Variants in KHDC4 observed in about 807,000 individuals in gnomAD.
KHDC4 encodes KH domain containing 4, pre-mRNA splicing factor, also known as KH homology domain-containing protein 4.
Under a neutral mutation model 74.5 loss-of-function variants are expected in KHDC4, and 19 were observed. The ratio of observed to expected loss-of-function variants is 0.26; its 90% CI spans 0.18 to 0.37. KHDC4 has a LOEUF of 0.37. KHDC4 is among the 10% of genes least tolerant of loss of function. KHDC4 has a pLI of 1.00. For synonymous variants in KHDC4, 253 were observed against 266.1 expected (o/e 0.95, Z 0.48); for missense variants, 632 against 754.1 (o/e 0.84, Z 1.90).
intron 10 of KHDC4, among the ~76,000 whole-genome samples, 192 bp from the exon 11 acceptor site, chr1:155,917,864 T>C (rs779266089): frequency 5.9e-5 from 9 of 152,208 alleles, no homozygotes; most frequent in African/African-American, 2.2e-4. Flanking sequence ...TAGGGAAACA[T>C]GAAATTGACA....
rs1673857512 is a variant in KHDC4 at position 155,921,299 on chromosome 1, G to C, written c.1266+76C>G. 2.7e-6 allele frequency: 4 copies of C among 1,502,058 alleles called. No individual in the cohort carries two copies. The East Asian group carries it at 9.1e-5, about 34-fold the overall frequency. The allele number at this position is 1,502,058 out of a possible 1,614,324, so 93.0% of individuals were successfully genotyped here. A position where few individuals can be genotyped will look rare whatever the true frequency, so the allele number is the denominator to read the frequency against. ...TTCCACATCACATGATTTATTTCTG[G>C]AATACCACTACTTCCCCTCTTTCCC... On this transcript the variant is annotated intron_variant, in intron 10 of 13. Coordinates refer to ENST00000368321, the MANE Select transcript of KHDC4 (RefSeq NM_014949.4).
intron 13 of KHDC4, chr1:155,915,658 C>T (rs1673715151): frequency 2.1e-6 from 1 of 478,068 alleles, no homozygotes; most frequent in Non-Finnish European, 3.7e-6. Flanking sequence ...CAGGCGCCCA[C>T]CACCATGCCC....
Position 155,934,319 on chromosome 1 carries a change from C to T in KHDC4, c.38+17G>A. 6.2e-7 allele frequency: 1 copy of T among 1,607,480 alleles called. No individual in the cohort carries two copies. Among genetic ancestry groups the T allele is most frequent in the Non-Finnish European group, 8.5e-7 (1 of 1,179,686 alleles). On this transcript the variant is annotated intron_variant, in intron 1 of 13. Coordinates refer to ENST00000368321, the MANE Select transcript of KHDC4 (RefSeq NM_014949.4). ...GCCCCAGTGCTCGCTCCGATGCCCT[C>T]GCCCCTGAAGCCGTACCCGCCAGCT...
Position 155,914,033 on chromosome 1 carries a change from A to C in KHDC4, c.*88T>G, listed in dbSNP as rs1572002398. The C allele has an allele frequency of 5.1e-6, 6 of 1,176,664 alleles. No homozygotes were observed. The highest frequency in any genetic ancestry group is 7.6e-6 in the Non-Finnish European group (6 of 790,234). 72.9% of individuals were successfully genotyped at this position (1,176,664 alleles called of 1,614,324 possible). On this transcript the variant is annotated 3_prime_UTR_variant, in exon 14 of 14. Transcript: ENST00000368321. Reference sequence around the variant, plus strand: ...TTCTGCAAAGGTCCAGATGGTTCCCAGCACAGGCCCCAGAGTCTTGTTAAA... The same window carrying C: ...TTCTGCAAAGGTCCAGATGGTTCCCCGCACAGGCCCCAGAGTCTTGTTAAA...
intron 4 of KHDC4, among the ~76,000 whole-genome samples, chr1:155,928,876 C>T (rs1572013502): frequency 6.7e-6 from 1 of 148,532 alleles, no homozygotes; most frequent in East Asian, 2.0e-4. Flanking sequence ...GGCATGAACC[C>T]AGGAGGCAGA....
intron 8 of KHDC4, among the ~76,000 whole-genome samples, chr1:155,923,233 T>C (rs181236356): frequency 2.0e-5 from 3 of 152,172 alleles, no homozygotes; most frequent in African/African-American, 7.2e-5. Flanking sequence ...TTTGGTTGTT[T>C]ATAGAATAAA....
intron 13 of KHDC4, chr1:155,915,652 C>T (rs1673714958): frequency 4.3e-6 from 2 of 459,978 alleles, no homozygotes; most frequent in Middle Eastern, 5.7e-4. Context: ...GAATTACAGG[C>T]GCCCACCACC....
At chr1:155,925,054 T>TCTCG (rs1459551782) in intron 7 of KHDC4, among the ~76,000 whole-genome samples, 2 of 138,034 alleles carry the variant, frequency 1.4e-5, no homozygotes, top group Non-Finnish European at 3.1e-5. Context: ...TGAGATGGAG[T>TCTCG]CTCGCTCTGT....
chr1:155,916,665 T>C lies in KHDC4; in HGVS notation c.1513A>G (p.Lys505Glu). ...TCTTTGCCTGAGGAACTTGCTGGCTTCGATCCTGCACCTTCAATCTCATTC... is the reference window on the plus strand; with the variant it reads ...TCTTTGCCTGAGGAACTTGCTGGCTCCGATCCTGCACCTTCAATCTCATTC... ...SQNEIEGAGS[K>E]PASSSGKERE... Residue 505 changes from lysine (K) to glutamate (E), a missense_variant, in exon 12 of 14, where the codon AAG becomes GAG. By Grantham distance (56) the Lys-to-Glu change is moderately conservative. This residue lies in a region of KHDC4 where 254 missense variants were observed against 267.4 expected (regional missense o/e 0.95). Transcript: ENST00000368321. 1 of 1,613,922 alleles carries C rather than the reference T, an allele frequency of 6.2e-7. No individual in the cohort carries two copies. The highest frequency in any genetic ancestry group is 8.5e-7 in the Non-Finnish European group (1 of 1,179,996).
chr1:155,929,833 G>A lies in KHDC4; in HGVS notation c.263C>T (p.Ala88Val). ...PTQNASEKLQ[A>V]PGKGLTSNKS... ...ATTGCTAGTTAGGCCTTTGCCAGGA[G>A]CCTGAAGCTAGAAAAAAGAGAAATT... The change falls in exon 3 of 14, where the codon GCT (alanine) becomes GTT (valine). Residue 88 changes from alanine (A) to valine (V), a missense_variant. Physicochemically the swap from Ala to Val is moderately conservative, Grantham distance 64. Transcript: ENST00000368321. 6.4e-7 allele frequency: 1 copy of A among 1,570,664 alleles called. No individual in the cohort carries two copies. The highest frequency in any genetic ancestry group is 1.2e-5 in the South Asian group (1 of 82,446).
Position 155,915,946 on chromosome 1 carries a change from T to TG in KHDC4, c.1571dup (p.Ala525SerfsTer13), listed in dbSNP as rs760105145. The TG allele has an allele frequency of 8.8e-6, 14 of 1,589,260 alleles. No homozygotes were observed. On this transcript the variant is annotated frameshift_variant, in exon 13 of 14. Coordinates refer to ENST00000368321, the MANE Select transcript of KHDC4 (RefSeq NM_014949.4). LOFTEE classifies it high-confidence loss of function. ...TTTTTATTCCAGTCACTGGAAAGGC[T>TG]GGTGGAGGCATCAACTGCCTATTGA... is the stretch of plus-strand genomic sequence containing the variant.
chr1:155,931,626 T>C (rs1002126153), intron 2 of KHDC4, among the ~76,000 whole-genome samples: 1 of 152,172 alleles, frequency 6.6e-6, no homozygotes, highest in African/African-American at 2.4e-5. Flanking sequence ...GGTTTCACCA[T>C]GTTGCCCAGG....
At chr1:155,925,197 TTTTTG>T in intron 7 of KHDC4, among the ~76,000 whole-genome samples, 1 of 152,028 alleles carries the variant, frequency 6.6e-6, no homozygotes, top group South Asian at 2.1e-4. Flanking sequence ...CGGCTAATTT[TTTTTG>T]TTTTATTTTT....
At position 155,929,281 on chromosome 1, in the gene KHDC4, TA is replaced by T; in HGVS notation, c.464+14del. The T allele has an allele frequency of 6.3e-7, 1 of 1,594,362 alleles. No individual in the cohort carries two copies. The highest frequency in any genetic ancestry group is 8.6e-7 in the Non-Finnish European group (1 of 1,162,244). ...ACACCCAACCCTTCCATAAACAAGA[TA>T]AGAGAATACGCACCCTGGTCCCACT... is the stretch of plus-strand genomic sequence containing the variant. On this transcript the variant is annotated intron_variant, in intron 4 of 13. Coordinates refer to ENST00000368321, the MANE Select transcript of KHDC4 (RefSeq NM_014949.4).
In KHDC4 at chr1:155,933,720, C is replaced by G; in HGVS notation, c.168G>C (p.Leu56Phe). ...TGGCAGCCACAGCAGCAGCAGCATC[C>G]AAGGCTCCTGAAGGAGCAGCTGTGG... is the stretch of plus-strand genomic sequence containing the variant. ...GGTTAAPSGA[L>F]DAAAAVAAKI... Residue 56 changes from leucine (L) to phenylalanine (F), a missense_variant, in exon 2 of 14, where the codon TTG becomes TTC. Leu to Phe is a conservative substitution (Grantham distance 22, BLOSUM62 0). Coordinates refer to ENST00000368321, the MANE Select transcript of KHDC4 (RefSeq NM_014949.4). The G allele has an allele frequency of 6.2e-7, 1 of 1,612,192 alleles. No individual in the cohort carries two copies. The highest frequency in any genetic ancestry group is 8.5e-7 in the Non-Finnish European group (1 of 1,178,772).
At chr1:155,926,567 T>C in intron 6 of KHDC4, 109 bp downstream of exon 6, 1 of 1,241,786 alleles carries the variant, frequency 8.1e-7, no homozygotes, top group Non-Finnish European at 1.2e-6. Context: ...TCCACCCACC[T>C]TGGCCTCCCA....
chr1:155,931,592 T>C (rs1325005117), intron 2 of KHDC4, among the ~76,000 whole-genome samples: 1 of 152,132 alleles, frequency 6.6e-6, no homozygotes, highest in Non-Finnish European at 1.5e-5. Flanking sequence ...TAGCTAATTG[T>C]TTTTGTATTT....
intron 6 of KHDC4, 83 bp from the exon 7 acceptor site, chr1:155,925,926 T>G: frequency 8.5e-7 from 1 of 1,174,784 alleles, no homozygotes; most frequent in South Asian, 1.2e-5. Context: ...TAAGAAATTA[T>G]AGCAAAGACA....
chr1:155,934,012 A>T (rs959653561), intron 1 of KHDC4, among the ~76,000 whole-genome samples, 163 bp from the exon 2 acceptor site: 1 of 152,082 alleles, frequency 6.6e-6, no homozygotes, highest in African/African-American at 2.4e-5. Context: ...ATTATTGCTT[A>T]TTTAACAAAC....
Sources: allele counts gnomAD v4.1 joint callset (sites outside exome capture counted in the v4.1 genomes callset), GRCh38; gene constraint gnomAD v4.1.1; regional missense constraint gnomAD v4.1.1; transcripts MANE v1.5; gene names NCBI Gene and HGNC (gene_info 2026-07-23, HGNC 2026-07-21).